Variants in SLCO5A1 observed in about 807,000 individuals in gnomAD.
The protein encoded by SLCO5A1 is solute carrier organic anion transporter family member 5A1, also known as organic anion transporter polypeptide-related protein 4.
SLCO5A1 carries 39 observed loss-of-function variants against 65.1 expected under a neutral mutation model. The observed-to-expected ratio is 0.60, with a 90% confidence interval of 0.46 to 0.78. The LOEUF is 0.78. Among genes scored for constraint, SLCO5A1 ranks in the 30% least tolerant of loss-of-function variants. SLCO5A1 has a pLI of 0.00. For missense variants in SLCO5A1, 1,029 were observed against 1,069.4 expected (o/e 0.96, Z 0.53); for synonymous variants, 438 against 415.7 (o/e 1.05, Z -0.65).
At chr8:69,680,319 T>C (rs1337773522) in intron 7 of SLCO5A1, among the ~76,000 whole-genome samples, 1 of 152,184 alleles carries the variant, frequency 6.6e-6, no homozygotes, top group African/African-American at 2.4e-5. Flanking sequence ...CAGTGTCTAT[T>C]GTTTCCATTT....
intron 5 of SLCO5A1, among the ~76,000 whole-genome samples, chr8:69,735,007 A>G (rs996276212): frequency 9.8e-5 from 15 of 152,348 alleles, no homozygotes; most frequent in African/African-American, 3.4e-4. Flanking sequence ...AAAAGTGGGC[A>G]AAGGACATGA....
At position 69,673,210 on chromosome 8, in the gene SLCO5A1, A is replaced by G; in HGVS notation, c.2206T>C (p.Phe736Leu). The G allele has an allele frequency of 6.2e-7, 1 of 1,614,220 alleles. No homozygotes were observed. The stretch of plus-strand genomic sequence containing the variant: ...CCGGCAGCCAAACCAAAATACACAA[A>G]ACGAAACGACGTCACGTTGTACTCC... ...CWEYNVTSFR[F>L]VYFGLAAGLK... The change falls in exon 10 of 10, where the codon TTT (phenylalanine) becomes CTT (leucine). Residue 736 changes from phenylalanine to leucine, a missense_variant. By Grantham distance (22) the Phe-to-Leu change is conservative. Transcript: ENST00000260126.
At chr8:69,808,777 T>A (rs1255145397) in intron 2 of SLCO5A1, among the ~76,000 whole-genome samples, 1 of 152,194 alleles carries the variant, frequency 6.6e-6, no homozygotes, top group African/African-American at 2.4e-5. Flanking sequence ...AATATTCTCC[T>A]GAAAGCTACA....
At chr8:69,830,999 A>G (rs1821126806) in intron 2 of SLCO5A1, among the ~76,000 whole-genome samples, 1 of 152,208 alleles carries the variant, frequency 6.6e-6, no homozygotes, top group African/African-American at 2.4e-5. Flanking sequence ...CAGGTGACGT[A>G]TAAGAAAAAC....
At chr8:69,820,601 G>C (rs1820589293) in intron 2 of SLCO5A1, among the ~76,000 whole-genome samples, 1 of 152,096 alleles carries the variant, frequency 6.6e-6, no homozygotes, top group South Asian at 2.1e-4. Flanking sequence ...AGGAGGCTCA[G>C]GGAAGAGGAT....
intron 4 of SLCO5A1, among the ~76,000 whole-genome samples, chr8:69,751,561 T>TC (rs1173452004): frequency 1.3e-5 from 2 of 151,896 alleles, no homozygotes; most frequent in African/African-American, 4.8e-5. Flanking sequence ...TTTTTTTTTT[T>TC]CGTGAGACGC....
At chr8:69,820,864 C>A (rs1820605128) in intron 2 of SLCO5A1, among the ~76,000 whole-genome samples, 1 of 152,014 alleles carries the variant, frequency 6.6e-6, no homozygotes, top group African/African-American at 2.4e-5. Flanking sequence ...GGAATCCCAC[C>A]TGGTCTTCAA....
At chr8:69,698,265 A>G (rs1814583556) in intron 6 of SLCO5A1, among the ~76,000 whole-genome samples, 2 of 152,146 alleles carry the variant, frequency 1.3e-5, no homozygotes, top group South Asian at 4.2e-4. Flanking sequence ...ATTGATGGCC[A>G]TTTAGATTGA....
intron 5 of SLCO5A1, among the ~76,000 whole-genome samples, chr8:69,711,202 T>C (rs991043531): frequency 1.3e-5 from 2 of 151,954 alleles, no homozygotes; most frequent in Non-Finnish European, 2.9e-5. Flanking sequence ...GAAGTTACGG[T>C]CCTGCCGCTA....
rs1052877237 is a variant in SLCO5A1, at chr8:69,761,948, C to G, written c.908-73G>C. 4.5e-6 allele frequency: 7 copies of G among 1,551,374 alleles called. No homozygotes were observed. In the Admixed American group the frequency reaches 5.5e-5, roughly 12 times the overall value. On this transcript the variant is annotated intron_variant, in intron 2 of 9. Transcript: ENST00000260126. ...ATGTTAGGAGTTCTCTCATTTCACTCTCATACCACAGACATCTCACAGTTC... is the reference window on the plus strand; with the variant it reads ...ATGTTAGGAGTTCTCTCATTTCACTGTCATACCACAGACATCTCACAGTTC...
At chr8:69,777,268 T>C (rs1420621904) in intron 2 of SLCO5A1, among the ~76,000 whole-genome samples, 1 of 152,180 alleles carries the variant, frequency 6.6e-6, no homozygotes, top group African/African-American at 2.4e-5. Context: ...AATCTCATAA[T>C]AATTATGTTG....
intron 4 of SLCO5A1, among the ~76,000 whole-genome samples, chr8:69,741,381 G>A (rs767027374): frequency 6.6e-6 from 1 of 152,142 alleles, no homozygotes; most frequent in Non-Finnish European, 1.5e-5. Context: ...TTGATTGACT[G>A]GTTGACGATT....
At chr8:69,689,519 G>A (rs924817499) in intron 6 of SLCO5A1, among the ~76,000 whole-genome samples, 1 of 140,736 alleles carries the variant, frequency 7.1e-6, no homozygotes, top group African/African-American at 2.8e-5. Context: ...TTTTGTATAA[G>A]GTGTAAGGAA....
chr8:69,778,800 A>G (rs1818684644), intron 2 of SLCO5A1, among the ~76,000 whole-genome samples: 1 of 152,172 alleles, frequency 6.6e-6, no homozygotes, highest in South Asian at 2.1e-4. Context: ...CATTTCTTGC[A>G]GGGGCACCTG....
chr8:69,832,258 A>C lies in SLCO5A1; in HGVS notation c.416T>G (p.Phe139Cys). The C allele has an allele frequency of 6.2e-7, 1 of 1,614,128 alleles. No individual in the cohort carries two copies. The highest frequency in any genetic ancestry group is 8.5e-7 in the Non-Finnish European group (1 of 1,180,010). ...CCCAGAGACCATTAACGCCTGGATG[A>C]AGGTCAGAAAGCACATGCACACCAG... Reference protein sequence around the residue: ...CFLVCMCFLTFIQALMVSGYL... With the variant: ...CFLVCMCFLTCIQALMVSGYL... Residue 139 changes from phenylalanine to cysteine, a missense_variant, in exon 2 of 10, where the codon TTC (phenylalanine) becomes TGC (cysteine). Phe to Cys is a radical substitution (Grantham distance 205, BLOSUM62 -2). Transcript: ENST00000260126. The surrounding 1 kb of genome is among the most constrained non-coding windows in gnomAD (Gnocchi z 4.5).
At chr8:69,712,573 G>T (rs957969413) in intron 5 of SLCO5A1, among the ~76,000 whole-genome samples, 4 of 152,118 alleles carry the variant, frequency 2.6e-5, no homozygotes, top group Non-Finnish European at 5.9e-5. Flanking sequence ...TGTATTATAG[G>T]TTCAGGGAGC....
intron 2 of SLCO5A1, chr8:69,773,041 T>C: frequency 7.0e-6 from 6 of 854,960 alleles, no homozygotes; most frequent in Non-Finnish European, 8.4e-6. Context: ...TCATGGATGC[T>C]AGACACTAAA....
chr8:69,807,852 C>A (rs867862388), intron 2 of SLCO5A1, among the ~76,000 whole-genome samples: 1 of 152,044 alleles, frequency 6.6e-6, no homozygotes, highest in Non-Finnish European at 1.5e-5. Context: ...TACAGGCACT[C>A]GCCACCACGC....
At chr8:69,799,018 A>G (rs1017371852) in intron 2 of SLCO5A1, among the ~76,000 whole-genome samples, 15 of 152,256 alleles carry the variant, frequency 9.9e-5, no homozygotes, top group African/African-American at 3.6e-4. Flanking sequence ...GTCTACATTC[A>G]GAACATAAAA....
Sources: gnomAD v4.1 joint callset for allele counts (sites outside exome capture counted in the v4.1 genomes callset) on GRCh38, gnomAD v4.1.1 for gene constraint, Gnocchi (gnomAD v3.1) non-coding constraint, MANE v1.5 for transcripts, NCBI Gene and HGNC (gene_info 2026-07-23, HGNC 2026-07-21) for gene names.